Variants in GLRB observed in about 807,000 individuals in gnomAD.
GLRB encodes glycine receptor subunit beta.
GLRB carries 33 observed loss-of-function variants against 54.2 expected under a neutral mutation model. The ratio of observed to expected loss-of-function variants is 0.61; its 90% confidence interval spans 0.46 to 0.81. The LOEUF is 0.81. GLRB is among the 40% of genes least tolerant of loss of function. GLRB has a pLI of 0.00. For synonymous variants in GLRB, 209 were observed against 208.2 expected, an observed-to-expected ratio of 1.00 and a Z score of -0.03; for missense variants, 572 against 584.6, an observed-to-expected ratio of 0.98 and a Z score of 0.22.
intron 2 of GLRB, among the ~76,000 whole-genome samples, chr4:157,110,758 C>A (rs563141493): frequency 6.6e-6 from 1 of 152,090 alleles, no homozygotes; most frequent in East Asian, 1.9e-4. Context: ...ACAGATTGAT[C>A]GTGTGCTAGA....
At chr4:157,083,821 G>GT (rs1734312064) in intron 2 of GLRB, among the ~76,000 whole-genome samples, 1 of 152,094 alleles carries the variant, frequency 6.6e-6, no homozygotes, top group Non-Finnish European at 1.5e-5. Context: ...CATGAATAAT[G>GT]TTTTTTAAAA....
At chr4:157,132,393 T>C (rs1473283352) in intron 4 of GLRB, among the ~76,000 whole-genome samples, 2 of 151,860 alleles carry the variant, frequency 1.3e-5, no homozygotes. Flanking sequence ...ATCATTCTTA[T>C]TATGATTGAT....
chr4:157,120,549 C>T lies in GLRB; in HGVS notation c.123-7C>T, dbSNP rs1029530397. The T allele has an allele frequency of 5.3e-6, 8 of 1,499,340 alleles. No individual in the cohort carries two copies. The highest frequency in any genetic ancestry group is 5.0e-5 in the Admixed American group (3 of 59,428). 92.9% of individuals were successfully genotyped at this position (1,499,340 alleles called of 1,614,324 possible). Reference sequence around the variant, plus strand: ...ACTACTTATCAGGATTTTTCTCTCTCTTATAGTCAGCAGTCAGCAGAGGAC... The same window carrying T: ...ACTACTTATCAGGATTTTTCTCTCTTTTATAGTCAGCAGTCAGCAGAGGAC... On this transcript the variant is annotated splice_polypyrimidine_tract_variant and splice_region_variant and intron_variant, in intron 2 of 9. Coordinates refer to ENST00000264428, the MANE Select transcript of GLRB (RefSeq NM_000824.5).
At chr4:157,132,248 A>G (rs1029191906) in intron 4 of GLRB, among the ~76,000 whole-genome samples, 1 of 151,340 alleles carries the variant, frequency 6.6e-6, no homozygotes, top group Non-Finnish European at 1.5e-5. Flanking sequence ...TTTTTAATTG[A>G]GTTGTTTGTT....
intron 2 of GLRB, among the ~76,000 whole-genome samples, chr4:157,115,080 A>AT (rs1196249357): frequency 6.6e-6 from 1 of 151,710 alleles, no homozygotes; most frequent in Non-Finnish European, 1.5e-5. Context: ...ATTTGTCTAT[A>AT]TTTCCCCATT....
chr4:157,103,757 T>G (rs1158180855), intron 2 of GLRB, among the ~76,000 whole-genome samples: 1 of 152,198 alleles, frequency 6.6e-6, no homozygotes, highest in Admixed American at 6.5e-5. Context: ...AGTCTTTGAT[T>G]ACCTTAGTTA....
Position 157,088,382 on chromosome 4 carries a change from G to A in GLRB, c.122+10236G>A, listed in dbSNP as rs182635851. 1.7e-3 allele frequency among the ~76,000 whole-genome samples: 257 copies of A among 151,866 alleles called. 2 individuals are homozygous for A. Among genetic ancestry groups the A allele is most frequent in the Non-Finnish European group, 1.5e-3 (103 of 67,924 alleles). ...TGTCTGGAATCTCTATAATATTTTC[G>A]ACTTAATGGTACAAATGTAGATGTT... On this transcript the variant is annotated intron_variant, in intron 2 of 9. Coordinates refer to ENST00000264428, the MANE Select transcript of GLRB (RefSeq NM_000824.5).
intron 2 of GLRB, among the ~76,000 whole-genome samples, chr4:157,101,797 G>GTTTT (rs77992858): frequency 7.9e-5 from 3 of 37,992 alleles, no homozygotes; most frequent in African/African-American, 1.8e-4. Context: ...AGTCAAACTT[G>GTTTT]TTTTTTTTTT....
intron 9 of GLRB, among the ~76,000 whole-genome samples, chr4:157,155,174 G>T (rs1489374362): frequency 1.3e-5 from 2 of 152,122 alleles, no homozygotes; most frequent in Admixed American, 1.3e-4. Flanking sequence ...CTGTCACCCA[G>T]GCTGGGGTGC....
intron 9 of GLRB, among the ~76,000 whole-genome samples, chr4:157,167,453 G>A (rs1370488085): frequency 6.6e-6 from 1 of 152,244 alleles, no homozygotes; most frequent in African/African-American, 2.4e-5. Flanking sequence ...GGGCAGATGT[G>A]AGTGTGCAAG....
At chr4:157,130,775 A>C (rs987116308) in intron 4 of GLRB, among the ~76,000 whole-genome samples, 3 of 151,580 alleles carry the variant, frequency 2.0e-5, no homozygotes, top group African/African-American at 7.2e-5. Flanking sequence ...TAGGATTGGA[A>C]TTGCTGAATC....
chr4:157,158,689 A>G (rs1404718401), intron 9 of GLRB, among the ~76,000 whole-genome samples: 2 of 152,120 alleles, frequency 1.3e-5, no homozygotes, highest in African/African-American at 4.8e-5. Flanking sequence ...CTGTTGGTCT[A>G]TATCTCTGTT....
chr4:157,076,971 C>CT (rs1398142730), intron 1 of GLRB, among the ~76,000 whole-genome samples: 1 of 11,714 alleles, frequency 8.5e-5, no homozygotes, highest in Non-Finnish European at 1.7e-4. Flanking sequence ...GGGAAGAATC[C>CT]TGGGGGGGGG....
intron 4 of GLRB, among the ~76,000 whole-genome samples, chr4:157,123,753 G>A (rs1235080427): frequency 6.6e-6 from 1 of 151,612 alleles, no homozygotes; most frequent in African/African-American, 2.4e-5. Context: ...AACTTTGCAG[G>A]AATCTATTTG....
chr4:157,118,157 C>T (rs1735673353), intron 2 of GLRB, among the ~76,000 whole-genome samples: 1 of 151,584 alleles, frequency 6.6e-6, no homozygotes, highest in Admixed American at 6.6e-5. Flanking sequence ...AAGTTCTAAA[C>T]TACAAAATTT....
At position 157,171,867 on chromosome 4, in the gene GLRB, C is replaced by A. The variant is rs1737935102; in HGVS notation, c.*1139C>A. ...GAGATTTACTTACTTTGAACTTGTT[C>A]CAATCCAAAAGTAAGCACTAAGTCT... On this transcript the variant is annotated 3_prime_UTR_variant, in exon 10 of 10. Transcript: ENST00000264428. The A allele has an allele frequency of 6.6e-6, 1 of 151,688 alleles. No homozygotes were observed. The highest frequency in any genetic ancestry group is 6.6e-5 in the Admixed American group (1 of 15,208). 9.4% of individuals were successfully genotyped at this position (151,688 alleles called of 1,614,324 possible). A position where few individuals can be genotyped will look rare whatever the true frequency, so the allele number is the denominator to read the frequency against.
At chr4:157,081,467 A>G (rs1734220064) in intron 2 of GLRB, among the ~76,000 whole-genome samples, 1 of 152,310 alleles carries the variant, frequency 6.6e-6, no homozygotes, top group African/African-American at 2.4e-5. Flanking sequence ...ACTCAGAATC[A>G]TGTGAATAAT....
At chr4:157,089,163 G>T (rs1734517076) in intron 2 of GLRB, among the ~76,000 whole-genome samples, 1 of 152,108 alleles carries the variant, frequency 6.6e-6, no homozygotes, top group Non-Finnish European at 1.5e-5. Context: ...GCCAAAGTGG[G>T]AGGATCACTT....
chr4:157,119,149 A>C (rs1361043486), intron 2 of GLRB, among the ~76,000 whole-genome samples: 1 of 151,682 alleles, frequency 6.6e-6, no homozygotes, highest in South Asian at 2.1e-4. Context: ...TTCTTAATAA[A>C]GAGTTCATGA....
Sources: allele counts gnomAD v4.1 joint callset (sites outside exome capture counted in the v4.1 genomes callset), GRCh38; gene constraint gnomAD v4.1.1; transcripts MANE v1.5; gene names NCBI Gene and HGNC (gene_info 2026-07-23, HGNC 2026-07-21).